WNT7B: variants seen among roughly 807,000 people sequenced by gnomAD.
The protein encoded by WNT7B is Wnt family member 7B, also known as protein Wnt-7b.
In WNT7B, 19 loss-of-function variants were observed where a neutral mutation model predicts 38.2. That is an observed-to-expected ratio of 0.50 (90% CI 0.35 to 0.73). The LOEUF (loss-of-function observed/expected upper bound fraction) is 0.73. WNT7B is among the 30% of genes least tolerant of loss of function. WNT7B has a pLI of 0.01. For missense variants in WNT7B, 423 were observed against 507.9 expected (o/e 0.83, Z 1.61); for synonymous variants, 243 against 209.3 (o/e 1.16, Z -1.39).
rs1491550827 is a variant in WNT7B, at chr22:45,929,899, T to TCCAA, written c.570+1198_570+1199insTTGG. On this transcript the variant is annotated intron_variant, in intron 3 of 3. Coordinates refer to ENST00000339464, the MANE Select transcript of WNT7B (RefSeq NM_058238.3). ...AACCATCTACCCACTCATCCACTCA[T>TCCAA]CTATCTACCCATCCATCTATCCTCC... Among the ~76,000 whole-genome samples the TCCAA allele has an allele frequency of 4.0e-5, 6 of 149,012 alleles. No individual in the cohort carries two copies. In the East Asian group the frequency reaches 1.2e-3, roughly 30 times the overall value.
chr22:45,956,241 A>G (rs900154572), intron 1 of WNT7B, among the ~76,000 whole-genome samples: 2 of 152,140 alleles, frequency 1.3e-5, no homozygotes, highest in African/African-American at 4.8e-5. Flanking sequence ...GTCAGATGGG[A>G]GTGATAACAG....
Position 45,950,135 on chromosome 22 carries a change from G to T in WNT7B, c.83C>A (p.Ser28Tyr). The T allele has an allele frequency of 1.9e-6, 3 of 1,613,796 alleles. No homozygotes were observed. The highest frequency in any genetic ancestry group is 2.2e-5 in the South Asian group (2 of 91,066). ...VLYVKLGALSSVVALGANIIC... is the reference protein window; with the variant it reads ...VLYVKLGALSYVVALGANIIC... ...GATGTTGGCTCCCAGGGCCACCACG[G>T]ATGACAGTGCTCTGTGGAGGGGAGG... The change falls in exon 2 of 4, where the codon TCC becomes TAC. Residue 28 changes from serine to tyrosine, a missense_variant. Physicochemically the swap from Ser to Tyr is moderately radical, Grantham distance 144 (BLOSUM62 -2). Coordinates refer to ENST00000339464, the MANE Select transcript of WNT7B (RefSeq NM_058238.3).
chr22:45,954,800 G>C (rs1932022453), intron 1 of WNT7B: 1 of 983,314 alleles, frequency 1.0e-6, no homozygotes, highest in South Asian at 4.7e-5. Context: ...CCCATTCTGA[G>C]GGTTAACTCT....
chr22:45,926,106 G>A (rs960326760), intron 3 of WNT7B: 20 of 985,434 alleles, frequency 2.0e-5, no homozygotes, highest in South Asian at 1.9e-4. Flanking sequence ...CTACTGGGCC[G>A]CTGCTTGCAG....
At chr22:45,954,655 A>G (rs1932019273) in intron 1 of WNT7B, 1 of 985,300 alleles carries the variant, frequency 1.0e-6, no homozygotes, top group Non-Finnish European at 1.2e-6. Context: ...CAGGGAATAG[A>G]ATACAGGCTC....
chr22:45,954,541 T>C (rs550724770), intron 1 of WNT7B: 1 of 981,552 alleles, frequency 1.0e-6, no homozygotes, highest in Admixed American at 6.1e-5. Flanking sequence ...GCTTGCCTTC[T>C]TGCACGCTTA....
intron 2 of WNT7B, among the ~76,000 whole-genome samples, chr22:45,948,774 C>T (rs915327672): frequency 2.7e-5 from 4 of 148,652 alleles, no homozygotes; most frequent in Non-Finnish European, 4.4e-5. Flanking sequence ...CCCCGAGTGA[C>T]GTGTTCAAGG....
chr22:45,957,714 A>G (rs1369362891), intron 1 of WNT7B, among the ~76,000 whole-genome samples: 1 of 141,952 alleles, frequency 7.0e-6, no homozygotes, highest in Non-Finnish European at 1.5e-5. Context: ...AAAAAAAAAC[A>G]GAAAACACGC....
intron 2 of WNT7B, among the ~76,000 whole-genome samples, chr22:45,945,947 A>T (rs1417744374): frequency 6.6e-6 from 1 of 152,250 alleles, no homozygotes; most frequent in Non-Finnish European, 1.5e-5. Flanking sequence ...GTCTGAGGCT[A>T]GCACATGATG....
In WNT7B at chr22:45,966,944, C is replaced by G. The variant is rs201429406; in HGVS notation, c.71+9740G>C. ...CACTCCTGCATCTGCTTGTATGCCTCCGGGGCTGGAGAACTCACTGCCTCT... is the reference window on the plus strand; with the variant it reads ...CACTCCTGCATCTGCTTGTATGCCTGCGGGGCTGGAGAACTCACTGCCTCT... On this transcript the variant is annotated intron_variant, in intron 1 of 3. Transcript: ENST00000339464. The surrounding 1 kb of genome is among the most constrained non-coding windows in gnomAD (Gnocchi z 4.2). Among the ~76,000 whole-genome samples, 1 of 147,942 alleles carries G rather than the reference C, an allele frequency of 6.8e-6. No homozygotes were observed. Among genetic ancestry groups the G allele is most frequent in the South Asian group, 2.2e-4 (1 of 4,602 alleles).
At position 45,931,169 on chromosome 22, in the gene WNT7B, C is replaced by A; in HGVS notation, c.499G>T (p.Val167Leu). The A allele has an allele frequency of 1.3e-6, 2 of 1,599,498 alleles. No individual in the cohort carries two copies. The highest frequency in any genetic ancestry group is 1.7e-6 in the Non-Finnish European group (2 of 1,179,484). The change falls in exon 3 of 4, where the codon GTG (valine) becomes TTG (leucine). Residue 167 changes from valine to leucine, a missense_variant. Transcript: ENST00000339464. ...RYGIDFSRRF[V>L]DAREIKKNAR... Reference sequence around the variant, plus strand: ...TTCTTCTTGATCTCCCGAGCGTCCACGAAGCGCCGGGAGAAGTCGATGCCG... The same window carrying A: ...TTCTTCTTGATCTCCCGAGCGTCCAAGAAGCGCCGGGAGAAGTCGATGCCG...
chr22:45,965,865 AGGACAGGCAGGAAACG>A lies in WNT7B; in HGVS notation c.71+10803_71+10818del, dbSNP rs1252382156. Among the ~76,000 whole-genome samples the A allele has an allele frequency of 6.6e-6, 1 of 152,130 alleles. No individual in the cohort carries two copies. The highest frequency in any genetic ancestry group is 2.4e-5 in the African/African-American group (1 of 41,414). The stretch of plus-strand genomic sequence containing the variant: ...TGGAGGCATTGGTTTCTGCCTGGAG[AGGACAGGCAGGAAACG>A]GGACACGCAACAGAGCCCGCCCAAG... On this transcript the variant is annotated intron_variant, in intron 1 of 3. Transcript: ENST00000339464. The surrounding 1 kb of genome is among the most constrained non-coding windows in gnomAD (Gnocchi z 6.5).
Position 45,931,134 on chromosome 22 carries a change from G to A in WNT7B, c.534C>T (p.Arg178=). The A allele has an allele frequency of 6.3e-7, 1 of 1,592,614 alleles. No homozygotes were observed. ...CCTCATTGTTATGCAGGTTCATGAG[G>A]CGCCGCGCGTTCTTCTTGATCTCCC... ...DAREIKKNAR[R]LMNLHNNEAG... is the part of the protein sequence containing the mutation. Residue 178 remains arginine (R), a synonymous_variant, in exon 3 of 4, where the codon CGC becomes CGT. Transcript: ENST00000339464.
At chr22:45,941,661 TG>T (rs1931651538) in intron 2 of WNT7B, among the ~76,000 whole-genome samples, 1 of 152,046 alleles carries the variant, frequency 6.6e-6, no homozygotes, top group African/African-American at 2.4e-5. Context: ...TGCCCAGGGA[TG>T]GCAGGAGAGA....
intron 2 of WNT7B, among the ~76,000 whole-genome samples, chr22:45,949,401 G>T (rs1026370791): frequency 7.4e-6 from 1 of 135,578 alleles, no homozygotes; most frequent in African/African-American, 2.7e-5. Context: ...ATCCTGCACA[G>T]TTCACTCGGC....
chr22:45,931,023 C>T, intron 3 of WNT7B, 75 bp downstream of exon 3: 1 of 1,473,504 alleles, frequency 6.8e-7, no homozygotes, highest in Non-Finnish European at 9.0e-7. Flanking sequence ...AGAAGAGGAG[C>T]CTGAGGCTCC....
At position 45,923,247 on chromosome 22, in the gene WNT7B, T is replaced by C; in HGVS notation, c.659A>G (p.Lys220Arg). ...CAGCAGGTGGCCCACCTCTCGGAAC[T>C]TGGGCAGCGTGGTCCAGCAGGTTTT... The part of the protein sequence containing the change: ...TTKTCWTTLP[K>R]FREVGHLLKE... The change falls in exon 4 of 4, where the codon AAG (lysine) becomes AGG (arginine). Residue 220 changes from lysine (K) to arginine (R), a missense_variant. By Grantham distance (26) the Lys-to-Arg change is conservative. Transcript: ENST00000339464. The C allele has an allele frequency of 2.5e-6, 4 of 1,613,596 alleles. No individual in the cohort carries two copies. Among genetic ancestry groups the C allele is most frequent in the Non-Finnish European group, 3.4e-6 (4 of 1,179,996 alleles).
intron 2 of WNT7B, 95 bp from the exon 3 acceptor site, chr22:45,931,464 G>T: frequency 7.2e-7 from 1 of 1,389,148 alleles, no homozygotes; most frequent in Non-Finnish European, 9.5e-7. Flanking sequence ...ACCTGCTGTT[G>T]GCTGGTTGTG....
chr22:45,946,887 A>G (rs889018432), intron 2 of WNT7B, among the ~76,000 whole-genome samples: 1 of 152,220 alleles, frequency 6.6e-6, no homozygotes, highest in Non-Finnish European at 1.5e-5. Flanking sequence ...AGATTTAGGC[A>G]CAGCCCAAGG....
Sources: gnomAD v4.1 joint callset for allele counts (sites outside exome capture counted in the v4.1 genomes callset) on GRCh38, gnomAD v4.1.1 for gene constraint, Gnocchi (gnomAD v3.1) non-coding constraint, MANE v1.5 for transcripts, NCBI Gene and HGNC (gene_info 2026-07-23, HGNC 2026-07-21) for gene names.